Variants in GOLM1 observed in about 807,000 individuals in gnomAD.
GOLM1 encodes golgi membrane protein 1.
GOLM1 carries 31 observed loss-of-function variants against 50.5 expected under a neutral mutation model. That is an observed-to-expected ratio of 0.61 (90% CI 0.46 to 0.83). GOLM1 has a LOEUF of 0.83. Among genes scored for constraint, GOLM1 ranks in the 40% least tolerant of loss-of-function variants. The pLI is 0.00. For synonymous variants in GOLM1, 178 were observed against 192.8 expected (o/e 0.92, Z 0.64); for missense variants, 491 against 501.3 (o/e 0.98, Z 0.20).
Position 86,036,047 on chromosome 9 carries a change from CCCAGTGTCTG to C in GOLM1, c.757+291_757+300del, listed in dbSNP as rs369332985. Among the ~76,000 whole-genome samples, 251 of 152,198 alleles carry C rather than the reference CCCAGTGTCTG, an allele frequency of 1.6e-3. 1 individual carries two copies. The highest frequency in any genetic ancestry group is 3.9e-3 in the African/African-American group (161 of 41,518). On this transcript the variant is annotated intron_variant, in intron 7 of 9. Transcript: ENST00000388712. ...TCACAGACACAGCAGCCTCCTGGTT[CCCAGTGTCTG>C]GGGCTCAGCCGCCTCCCCCGAGTCC...
intron 1 of GOLM1, among the ~76,000 whole-genome samples, chr9:86,092,741 G>C (rs1587745645): frequency 6.6e-6 from 1 of 152,208 alleles, no homozygotes; most frequent in Non-Finnish European, 1.5e-5. Flanking sequence ...TGCTGCTGAA[G>C]GATAAGGGAC....
chr9:86,047,790 G>A (rs1257218790), intron 4 of GOLM1, among the ~76,000 whole-genome samples: 2 of 152,172 alleles, frequency 1.3e-5, no homozygotes, highest in African/African-American at 2.4e-5. Flanking sequence ...TGACATGGAC[G>A]AATCGCAAAT....
intron 7 of GOLM1, 52 bp downstream of exon 7, chr9:86,036,296 C>G: frequency 6.3e-7 from 1 of 1,594,422 alleles, no homozygotes; most frequent in Non-Finnish European, 8.6e-7. Flanking sequence ...ACTGCTTCCT[C>G]TGATGGGGCT....
chr9:86,076,113 G>A (rs919660758), intron 3 of GOLM1, among the ~76,000 whole-genome samples: 23 of 152,158 alleles, frequency 1.5e-4, no homozygotes, highest in African/African-American at 5.5e-4. Context: ...AGAGGTACAC[G>A]CATTATAAAA....
chr9:86,064,378 C>T (rs542354436), intron 3 of GOLM1, among the ~76,000 whole-genome samples: 13 of 152,250 alleles, frequency 8.5e-5, no homozygotes, highest in African/African-American at 2.9e-4. Context: ...CACACTTTCC[C>T]GCACCTATCC....
intron 6 of GOLM1, among the ~76,000 whole-genome samples, chr9:86,039,836 T>G (rs1420229572): frequency 6.6e-6 from 1 of 151,732 alleles, no homozygotes; most frequent in Non-Finnish European, 1.5e-5. Context: ...GGTGTGGTGG[T>G]GGGTGCCTGT....
At chr9:86,069,731 C>T (rs1203329081) in intron 3 of GOLM1, among the ~76,000 whole-genome samples, 2 of 152,180 alleles carry the variant, frequency 1.3e-5, no homozygotes, top group Non-Finnish European at 2.9e-5. Context: ...GCAATGACAC[C>T]TGCCATTTTA....
chr9:86,070,331 T>C (rs1430642301), intron 3 of GOLM1, among the ~76,000 whole-genome samples: 1 of 151,816 alleles, frequency 6.6e-6, no homozygotes, highest in Non-Finnish European at 1.5e-5. Flanking sequence ...CCCAGTACTT[T>C]GGGAGGCCAA....
intron 5 of GOLM1, among the ~76,000 whole-genome samples, chr9:86,043,462 A>G (rs1244580352): frequency 6.6e-6 from 1 of 152,230 alleles, no homozygotes; most frequent in Non-Finnish European, 1.5e-5. Context: ...TCAGAGGCCC[A>G]TATAATTTGC....
chr9:86,038,501 T>C (rs1833226080), intron 6 of GOLM1, among the ~76,000 whole-genome samples: 1 of 152,184 alleles, frequency 6.6e-6, no homozygotes, highest in Non-Finnish European at 1.5e-5. Flanking sequence ...AGAAGGAAGC[T>C]ACTCAACTCC....
chr9:86,045,674 GAAAAA>G (rs1174542328), intron 5 of GOLM1, among the ~76,000 whole-genome samples: 3 of 94,272 alleles, frequency 3.2e-5, no homozygotes, highest in African/African-American at 9.5e-5. Context: ...CTCCGCTCAA[GAAAAA>G]AAAAAAAAAA....
At chr9:86,084,620 C>G (rs956998776) in intron 1 of GOLM1, among the ~76,000 whole-genome samples, 1 of 152,132 alleles carries the variant, frequency 6.6e-6, no homozygotes, top group Non-Finnish European at 1.5e-5. Flanking sequence ...ACTATATGTA[C>G]TATTTTCCAA....
intron 3 of GOLM1, among the ~76,000 whole-genome samples, chr9:86,067,404 C>T (rs887469153): frequency 6.6e-6 from 1 of 152,178 alleles, no homozygotes; most frequent in African/African-American, 2.4e-5. Flanking sequence ...TTTATATGTA[C>T]ACATATATGA....
intron 3 of GOLM1, among the ~76,000 whole-genome samples, chr9:86,065,598 C>T (rs913167081): frequency 1.3e-5 from 2 of 152,140 alleles, no homozygotes; most frequent in Non-Finnish European, 2.9e-5. Flanking sequence ...GCCAGTGTGA[C>T]GAGCAGACCT....
At chr9:86,030,558 A>G (rs887702614) in intron 9 of GOLM1, among the ~76,000 whole-genome samples, 2 of 151,052 alleles carry the variant, frequency 1.3e-5, no homozygotes, top group East Asian at 1.9e-4. Flanking sequence ...TAACTGAGCC[A>G]CTACCCTTCA....
chr9:86,070,737 C>T (rs556371514), intron 3 of GOLM1, among the ~76,000 whole-genome samples: 5 of 152,238 alleles, frequency 3.3e-5, no homozygotes, highest in South Asian at 2.1e-4. Flanking sequence ...TCATTTACCA[C>T]GAACTCGAAC....
intron 9 of GOLM1, among the ~76,000 whole-genome samples, chr9:86,032,090 G>T (rs966543936): frequency 6.6e-6 from 1 of 152,042 alleles, no homozygotes; most frequent in Non-Finnish European, 1.5e-5. Context: ...GAGACCAGGC[G>T]AACTCACTCA....
intron 3 of GOLM1, among the ~76,000 whole-genome samples, chr9:86,073,655 C>T (rs1347272528): frequency 2.0e-5 from 3 of 152,138 alleles, no homozygotes; most frequent in Admixed American, 6.6e-5. Flanking sequence ...CAGACTCTGC[C>T]CTCCGCTCCA....
intron 1 of GOLM1, among the ~76,000 whole-genome samples, chr9:86,096,380 A>G (rs1343188131): frequency 6.6e-6 from 1 of 152,204 alleles, no homozygotes; most frequent in Non-Finnish European, 1.5e-5. Flanking sequence ...CAACATCTAA[A>G]ATAGTATCTG....
Sources: gnomAD v4.1 joint callset for allele counts (sites outside exome capture counted in the v4.1 genomes callset) on GRCh38, gnomAD v4.1.1 for gene constraint, MANE v1.5 for transcripts, NCBI Gene and HGNC (gene_info 2026-07-23, HGNC 2026-07-21) for gene names.